DCAF17: variants seen among roughly 807,000 people sequenced by gnomAD.
DCAF17 encodes the protein DDB1 and CUL4 associated factor 17.
DCAF17 carries 48 observed loss-of-function variants against 66.0 expected under a neutral mutation model. The observed-to-expected ratio is 0.73, with a 90% CI of 0.58 to 0.92. DCAF17 has a LOEUF of 0.92. DCAF17 is among the 40% of genes least tolerant of loss of function. The pLI, the probability that DCAF17 is intolerant of heterozygous loss-of-function variation, is 0.00. For missense variants in DCAF17, 562 were observed against 622.8 expected (o/e 0.90, Z 1.04); for synonymous variants, 206 against 214.6 (o/e 0.96, Z 0.35).
At chr2:171,449,846 A>C in intron 4 of DCAF17, 33 bp from the exon 5 acceptor site, 4 of 1,573,604 alleles carry the variant, frequency 2.5e-6, no homozygotes, top group South Asian at 1.1e-5. Context: ...AAACTGACCC[A>C]AATAAATAAA....
At chr2:171,460,927 TC>T (rs1262155618) in intron 8 of DCAF17, among the ~76,000 whole-genome samples, 1 of 152,154 alleles carries the variant, frequency 6.6e-6, no homozygotes, top group Non-Finnish European at 1.5e-5. Context: ...AAATCATTTG[TC>T]ATTGTAAAAA....
chr2:171,435,235 T>G (rs746903038), intron 2 of DCAF17, 49 bp downstream of exon 2: 3 of 1,370,596 alleles, frequency 2.2e-6, no homozygotes, highest in South Asian at 1.2e-5. Context: ...CTGTTGATCT[T>G]AACTATAATT....
At chr2:171,471,035 A>G (rs1005233104) in intron 9 of DCAF17, among the ~76,000 whole-genome samples, 3 of 152,244 alleles carry the variant, frequency 2.0e-5, no homozygotes, top group Admixed American at 6.5e-5. Flanking sequence ...TGTGGTTTCC[A>G]AGGAATTACT....
At chr2:171,470,138 C>T (rs1262595083) in intron 9 of DCAF17, among the ~76,000 whole-genome samples, 4 of 152,154 alleles carry the variant, frequency 2.6e-5, no homozygotes, top group Admixed American at 1.3e-4. Context: ...ATCCTCCCAC[C>T]TCAGCCTCCT....
intron 10 of DCAF17, 143 bp downstream of exon 10, chr2:171,474,118 C>G: frequency 1.4e-6 from 1 of 700,468 alleles, no homozygotes; most frequent in Non-Finnish European, 2.6e-6. Context: ...GACTGGCATA[C>G]AGAACACCTG....
chr2:171,475,821 A>G (rs78632393), intron 10 of DCAF17, among the ~76,000 whole-genome samples: 1,794 of 152,308 alleles, frequency 0.012, 39 homozygotes, highest in African/African-American at 0.041. Flanking sequence ...GCTTCGTAGT[A>G]ATCAGTCTAC....
chr2:171,434,902 A>T, intron 1 of DCAF17, 181 bp from the exon 2 acceptor site: 3 of 1,032,460 alleles, frequency 2.9e-6, no homozygotes, highest in Non-Finnish European at 4.1e-6. Context: ...CTTATGTCTT[A>T]CCTGGAAACA....
chr2:171,459,598 GC>G (rs1472360067), intron 8 of DCAF17, among the ~76,000 whole-genome samples: 1 of 152,142 alleles, frequency 6.6e-6, no homozygotes, highest in Non-Finnish European at 1.5e-5. Flanking sequence ...TAGGTGAAAT[GC>G]CAAAGGATTT....
chr2:171,476,500 C>T (rs781410825), intron 10 of DCAF17, among the ~76,000 whole-genome samples: 14 of 152,148 alleles, frequency 9.2e-5, no homozygotes, highest in South Asian at 4.1e-4. Context: ...CAAATATCTG[C>T]TTTAATTGTT....
intron 12 of DCAF17, 192 bp from the exon 13 acceptor site, chr2:171,479,846 T>C: frequency 1.7e-6 from 1 of 602,230 alleles, no homozygotes. Flanking sequence ...GCTTAACTCT[T>C]GAAAATCTTG....
intron 10 of DCAF17, among the ~76,000 whole-genome samples, chr2:171,474,809 A>C (rs553547741): frequency 5.9e-5 from 9 of 152,312 alleles, no homozygotes; most frequent in Middle Eastern, 3.4e-3. Context: ...TTGCTACAAA[A>C]TATTTTTTAA....
intron 5 of DCAF17, among the ~76,000 whole-genome samples, chr2:171,450,534 T>C (rs913502169): frequency 5.3e-5 from 8 of 152,166 alleles, no homozygotes; most frequent in African/African-American, 1.9e-4. Flanking sequence ...CAAGAAACTT[T>C]TTGTTTCTAT....
chr2:171,449,978 A>G lies in DCAF17; in HGVS notation c.537+21A>G, dbSNP rs753423974. 8.2e-6 allele frequency: 13 copies of G among 1,585,112 alleles called. No individual in the cohort carries two copies. In the African/African-American group the frequency reaches 1.6e-4, roughly 20 times the overall value. On this transcript the variant is annotated intron_variant, in intron 5 of 13. Transcript: ENST00000375255. ...GGCAGGTATACATATTTAAACATTCAATAAAATGAAGACTCTTTTTCATAG... is the reference window on the plus strand; with the variant it reads ...GGCAGGTATACATATTTAAACATTCGATAAAATGAAGACTCTTTTTCATAG...
At chr2:171,473,325 T>G (rs532958848) in intron 9 of DCAF17, among the ~76,000 whole-genome samples, 45 of 152,048 alleles carry the variant, frequency 3.0e-4, no homozygotes, top group Non-Finnish European at 5.9e-4. Flanking sequence ...TTGGAAAAGG[T>G]CAGGTGCAGT....
chr2:171,453,643 A>C (rs1391953066), intron 6 of DCAF17, among the ~76,000 whole-genome samples: 1 of 152,218 alleles, frequency 6.6e-6, no homozygotes, highest in African/African-American at 2.4e-5. Flanking sequence ...TAAATTTTCC[A>C]ATTCATTCAG....
At chr2:171,480,488 T>A (rs889470043) in intron 13 of DCAF17, among the ~76,000 whole-genome samples, 3 of 152,146 alleles carry the variant, frequency 2.0e-5, no homozygotes, top group East Asian at 1.9e-4. Flanking sequence ...TTTGGAAAAA[T>A]TTTTTAAAAT....
At chr2:171,435,624 C>G (rs2105712939) in intron 2 of DCAF17, among the ~76,000 whole-genome samples, 1 of 151,542 alleles carries the variant, frequency 6.6e-6, no homozygotes, top group South Asian at 2.1e-4. Flanking sequence ...AACAGTCAGC[C>G]TCATCCACAA....
chr2:171,453,303 A>T (rs1006857807), intron 6 of DCAF17, 90 bp downstream of exon 6: 4 of 986,864 alleles, frequency 4.1e-6, no homozygotes, highest in African/African-American at 1.6e-5. Flanking sequence ...ATTTGATTGG[A>T]AATGCTCCCC....
chr2:171,434,402 C>T lies in DCAF17; in HGVS notation c.-176C>T. ...CGCTCTGGCGGTGCAAGCGGCTCTG[C>T]TTTCCCTCGCCCCGCCGTCGGGTGC... is the stretch of plus-strand genomic sequence containing the variant. On this transcript the variant is annotated 5_prime_UTR_variant, in exon 1 of 14. Transcript: ENST00000375255. 2 of 1,133,422 alleles carry T rather than the reference C, an allele frequency of 1.8e-6. No homozygotes were observed. Among genetic ancestry groups the T allele is most frequent in the Non-Finnish European group, 2.5e-6 (2 of 785,346 alleles). The allele number at this position is 1,133,422 out of a possible 1,614,324, so 70.2% of individuals were successfully genotyped here. A position where few individuals can be genotyped will look rare whatever the true frequency, so the allele number is the denominator to read the frequency against.
Sources: gnomAD v4.1 joint callset for allele counts (sites outside exome capture counted in the v4.1 genomes callset) on GRCh38, gnomAD v4.1.1 for gene constraint, MANE v1.5 for transcripts, NCBI Gene and HGNC (gene_info 2026-07-23, HGNC 2026-07-21) for gene names.